Variants in CEP164 observed in about 807,000 individuals in gnomAD.
CEP164 encodes centrosomal protein 164.
In CEP164, 162 loss-of-function variants were observed where a neutral mutation model predicts 182.7. The ratio of observed to expected loss-of-function variants is 0.89; its 90% CI spans 0.78 to 1.01. The LOEUF (loss-of-function observed/expected upper bound fraction) is 1.01. Ranked by LOEUF, CEP164 falls within the 50% of genes least tolerant of loss-of-function variation. The pLI is 0.00. For synonymous variants in CEP164, 661 were observed against 690.0 expected (o/e 0.96, Z 0.66); for missense variants, 1,735 against 1,790.4 (o/e 0.97, Z 0.56).
At chr11:117,408,220 G>A (rs903631268) in intron 28 of CEP164, among the ~76,000 whole-genome samples, 188 bp downstream of exon 28, 4 of 152,224 alleles carry the variant, frequency 2.6e-5, no homozygotes, top group African/African-American at 9.6e-5. Context: ...GAAGACACCT[G>A]TGGGTTTGGA....
intron 5 of CEP164, among the ~76,000 whole-genome samples, chr11:117,357,423 CTTTTTTTT>C (rs4018866): frequency 8.5e-4 from 103 of 121,564 alleles, no homozygotes; most frequent in African/African-American, 2.4e-3. Flanking sequence ...AGTTAATATT[CTTTTTTTT>C]TTTTTTTTTT....
At chr11:117,336,120 T>C in intron 2 of CEP164, 1 of 1,535,630 alleles carries the variant, frequency 6.5e-7, no homozygotes, top group Non-Finnish European at 8.8e-7. Flanking sequence ...AGGGCTACTT[T>C]CCCCCAGTAC....
chr11:117,346,948 T>C (rs993202014), intron 4 of CEP164, among the ~76,000 whole-genome samples: 12 of 152,186 alleles, frequency 7.9e-5, no homozygotes, highest in African/African-American at 2.9e-4. Context: ...CTTCTTCTTT[T>C]CCTAAGGGTA....
intron 4 of CEP164, among the ~76,000 whole-genome samples, chr11:117,344,893 A>G (rs1339302203): frequency 6.6e-6 from 1 of 151,914 alleles, no homozygotes; most frequent in Non-Finnish European, 1.5e-5. Context: ...GCGGCACAGC[A>G]CTCCAGCATG....
At chr11:117,395,946 G>A in intron 24 of CEP164, 108 bp from the exon 25 acceptor site, 1 of 1,489,794 alleles carries the variant, frequency 6.7e-7, no homozygotes, top group Non-Finnish European at 9.2e-7. Context: ...CCTTCCTCAG[G>A]GACTTTGACG....
upstream of CEP164, among the ~76,000 whole-genome samples, chr11:117,326,231 A>G (rs2035437440): frequency 7.0e-6 from 1 of 142,928 alleles, no homozygotes; most frequent in Non-Finnish European, 1.5e-5. Context: ...TTTTTATTTT[A>G]TTTATTTTTT....
intron 15 of CEP164, among the ~76,000 whole-genome samples, chr11:117,389,539 G>A (rs2044349737): frequency 6.6e-6 from 1 of 152,228 alleles, no homozygotes; most frequent in Non-Finnish European, 1.5e-5. Context: ...AGATACAGAA[G>A]ATGAATTATG....
At position 117,392,278 on chromosome 11, in the gene CEP164, C is replaced by A. The variant is rs369844101; in HGVS notation, c.2336C>A (p.Ser779Tyr). The A allele has an allele frequency of 1.2e-6, 2 of 1,611,644 alleles. No homozygotes were observed. The highest frequency in any genetic ancestry group is 1.7e-6 in the Non-Finnish European group (2 of 1,179,712). The change falls in exon 18 of 33, where the codon TCC (serine) becomes TAC (tyrosine). Residue 779 changes from serine (S) to tyrosine (Y), a missense_variant. Physicochemically the swap from Ser to Tyr is moderately radical, Grantham distance 144. Transcript: ENST00000278935. ...AGTGCTGAGCTGGAGCGGCTCTGCT[C>A]CTCATTGGAGGCCAAGCACCGGGAG... ...EHSAELERLC[S>Y]SLEAKHREVV... is the part of the protein sequence containing the mutation.
At chr11:117,368,304 G>T (rs2041862019) in intron 8 of CEP164, among the ~76,000 whole-genome samples, 1 of 152,202 alleles carries the variant, frequency 6.6e-6, no homozygotes, top group African/African-American at 2.4e-5. Flanking sequence ...TTTAGGAATT[G>T]CATGGCAAAG....
chr11:117,395,943 C>G (rs1168424315), intron 24 of CEP164, 111 bp from the exon 25 acceptor site: 1 of 1,482,886 alleles, frequency 6.7e-7, no homozygotes, highest in Non-Finnish European at 9.2e-7. Context: ...AGCCCTTCCT[C>G]AGGGACTTTG....
At chr11:117,345,967 G>A (rs114535273) in intron 4 of CEP164, among the ~76,000 whole-genome samples, 3 of 152,158 alleles carry the variant, frequency 2.0e-5, no homozygotes, top group South Asian at 2.1e-4. Flanking sequence ...CATTACAGGC[G>A]TGAGAGCCCG....
At chr11:117,324,052 T>C (rs902772976), upstream of CEP164, 2 of 249,152 alleles carry the variant, frequency 8.0e-6, no homozygotes, top group Non-Finnish European at 8.5e-6. Flanking sequence ...TTCCCATCTT[T>C]GAAATATGAC....
At chr11:117,393,618 G>A (rs2045024396) in intron 20 of CEP164, among the ~76,000 whole-genome samples, 1 of 152,206 alleles carries the variant, frequency 6.6e-6, no homozygotes, top group Admixed American at 6.5e-5. Context: ...CCAATAAGTA[G>A]AAGAGCTAGG....
chr11:117,394,287 T>C lies in CEP164; in HGVS notation c.2617-63T>C. ...TGCAAGGCTGCAGGGCTAGGGGAGC[T>C]GTGATTTTTGTGGTAGAAGGGGCTG... On this transcript the variant is annotated intron_variant, in intron 20 of 32. Coordinates refer to ENST00000278935, the MANE Select transcript of CEP164 (RefSeq NM_014956.5). The surrounding 1 kb of genome is among the most constrained non-coding windows in gnomAD (Gnocchi z 4.0). 6.5e-7 allele frequency: 1 copy of C among 1,549,368 alleles called. No individual in the cohort carries two copies. Among genetic ancestry groups the C allele is most frequent in the Non-Finnish European group, 8.7e-7 (1 of 1,145,246 alleles).
rs777755729 is a variant in CEP164 at position 117,395,181 on chromosome 11, T to G, written c.2903T>G (p.Leu968Arg). 1 of 1,613,838 alleles carries G rather than the reference T, an allele frequency of 6.2e-7. No homozygotes were observed. Among genetic ancestry groups the G allele is most frequent in the South Asian group, 1.1e-5 (1 of 91,070 alleles). Reference sequence around the variant, plus strand: ...CTTGATGTGCAGAGGCAGGTTGCTCTGAAGAGTGAGGTTTGTCTCCCTGTT... The same window carrying G: ...CTTGATGTGCAGAGGCAGGTTGCTCGGAAGAGTGAGGTTTGTCTCCCTGTT... Reference protein sequence around the residue: ...QLLDVQRQVALKSEEATATHQ... With the variant: ...QLLDVQRQVARKSEEATATHQ... Residue 968 changes from leucine (L) to arginine (R), a missense_variant, in exon 23 of 33, where the codon CTG (leucine) becomes CGG (arginine). Coordinates refer to ENST00000278935, the MANE Select transcript of CEP164 (RefSeq NM_014956.5).
intron 27 of CEP164, among the ~76,000 whole-genome samples, chr11:117,402,963 C>A (rs1212758430): frequency 6.6e-6 from 1 of 152,180 alleles, no homozygotes; most frequent in Non-Finnish European, 1.5e-5. Context: ...GGTTTAAAGT[C>A]TGTTTTATCA....
chr11:117,359,483 T>C, intron 5 of CEP164: 4 of 985,440 alleles, frequency 4.1e-6, no homozygotes, highest in Non-Finnish European at 4.8e-6. Flanking sequence ...CACCTTACTT[T>C]CCTGATGAGC....
intron 28 of CEP164, chr11:117,408,651 C>T: frequency 1.9e-6 from 1 of 528,846 alleles, no homozygotes; most frequent in Non-Finnish European, 3.4e-6. Flanking sequence ...ACCAAGTCCT[C>T]AGTTCCCACA....
chr11:117,362,113 TA>T, intron 6 of CEP164, 120 bp downstream of exon 6: 1 of 1,015,396 alleles, frequency 9.8e-7, no homozygotes, highest in South Asian at 1.7e-5. Flanking sequence ...TCAGAGTTCG[TA>T]ATCCAGTTGG....
Sources: gnomAD v4.1 joint callset for allele counts (sites outside exome capture counted in the v4.1 genomes callset) on GRCh38, gnomAD v4.1.1 for gene constraint, Gnocchi (gnomAD v3.1) non-coding constraint, MANE v1.5 for transcripts, NCBI Gene and HGNC (gene_info 2026-07-23, HGNC 2026-07-21) for gene names.